ENTHD1: variants seen among roughly 807,000 people sequenced by gnomAD.
ENTHD1 encodes the protein ENTH domain containing 1, also known as ENTH domain-containing protein 1.
A neutral mutation model predicts 39.1 loss-of-function variants in ENTHD1; 23 were observed. That is an observed-to-expected ratio of 0.59 (90% CI 0.42 to 0.83). The LOEUF is 0.83. ENTHD1 is among the 40% of genes least tolerant of loss of function. The pLI, the probability that ENTHD1 is intolerant of heterozygous loss-of-function variation, is 0.00. For missense variants in ENTHD1, 624 were observed against 705.4 expected (o/e 0.88, Z 1.31); for synonymous variants, 230 against 258.2 (o/e 0.89, Z 1.05).
At chr22:39,827,985 T>C (rs541652513) in intron 4 of ENTHD1, among the ~76,000 whole-genome samples, 1 of 152,226 alleles carries the variant, frequency 6.6e-6, no homozygotes, top group Non-Finnish European at 1.5e-5. Context: ...TGTACTGATA[T>C]AGAAAAATGT....
intron 2 of ENTHD1, among the ~76,000 whole-genome samples, chr22:39,878,868 TAAGTA>T: frequency 6.6e-6 from 1 of 151,974 alleles, no homozygotes; most frequent in Non-Finnish European, 1.5e-5. Flanking sequence ...ATAAGCAAAA[TAAGTA>T]ACAGCAATGA....
rs570067711 is a variant in ENTHD1 at position 39,786,451 on chromosome 22, G to A, written c.833-20842C>T. Reference sequence around the variant, plus strand: ...TTTTACTTTCAAGTGCAGAGTGGCTGACGTGGAATGGGGCAGGTATTCAGA... The same window carrying A: ...TTTTACTTTCAAGTGCAGAGTGGCTAACGTGGAATGGGGCAGGTATTCAGA... On this transcript the variant is annotated intron_variant, in intron 5 of 6. Coordinates refer to ENST00000325157, the MANE Select transcript of ENTHD1 (RefSeq NM_152512.4). Among the ~76,000 whole-genome samples the A allele has an allele frequency of 1.7e-3, 258 of 152,270 alleles. 1 individual carries two copies. Among genetic ancestry groups the A allele is most frequent in the African/African-American group, 6.1e-3 (255 of 41,544 alleles).
chr22:39,803,739 G>A (rs1459830863), intron 5 of ENTHD1, among the ~76,000 whole-genome samples: 1 of 152,132 alleles, frequency 6.6e-6, no homozygotes, highest in Non-Finnish European at 1.5e-5. Context: ...CTAAGTTGGG[G>A]TCTAGAGATC....
chr22:39,836,056 C>A, intron 3 of ENTHD1, 98 bp from the exon 4 acceptor site: 1 of 780,812 alleles, frequency 1.3e-6, no homozygotes, highest in Non-Finnish European at 2.0e-6. Context: ...CTGAAGATAC[C>A]TTTTTTTCCT....
intron 2 of ENTHD1, among the ~76,000 whole-genome samples, chr22:39,879,446 G>T (rs1354965187): frequency 9.0e-6 from 1 of 110,984 alleles, no homozygotes; most frequent in Non-Finnish European, 1.7e-5. Flanking sequence ...CTGGGTGACA[G>T]AGTGAGACTC....
intron 4 of ENTHD1, among the ~76,000 whole-genome samples, chr22:39,828,753 C>T (rs1337132005): frequency 6.6e-6 from 1 of 152,100 alleles, no homozygotes; most frequent in East Asian, 1.9e-4. Flanking sequence ...TGAAAAGCTG[C>T]AAATAGCCTT....
chr22:39,840,665 G>A (rs868553136), intron 3 of ENTHD1, among the ~76,000 whole-genome samples: 12 of 152,180 alleles, frequency 7.9e-5, no homozygotes, highest in South Asian at 2.1e-4. Context: ...TAAAAGTCAA[G>A]TCTCATGGTG....
At chr22:39,893,240 C>T (rs118121181) in intron 1 of ENTHD1, 1 of 152,222 alleles carries the variant, frequency 6.6e-6, no homozygotes, top group African/African-American at 2.4e-5. Context: ...AATCGCCAGA[C>T]AGGGCCGTGG....
intron 4 of ENTHD1, among the ~76,000 whole-genome samples, chr22:39,822,587 A>G (rs949712880): frequency 6.6e-6 from 1 of 152,170 alleles, no homozygotes; most frequent in East Asian, 1.9e-4. Flanking sequence ...TGCACAAAAA[A>G]CAGATGTGAA....
At chr22:39,784,060 A>T (rs1403070101) in intron 5 of ENTHD1, among the ~76,000 whole-genome samples, 1 of 152,180 alleles carries the variant, frequency 6.6e-6, no homozygotes, top group East Asian at 1.9e-4. Flanking sequence ...TAGCAAAAAA[A>T]GATATGATTA....
chr22:39,843,435 G>C (rs2065961513), intron 3 of ENTHD1, among the ~76,000 whole-genome samples: 1 of 138,928 alleles, frequency 7.2e-6, no homozygotes, highest in South Asian at 2.4e-4. Context: ...ACAGGAAGGG[G>C]AACATCACAC....
chr22:39,892,437 A>G (rs1222079211), intron 1 of ENTHD1, among the ~76,000 whole-genome samples: 2 of 152,238 alleles, frequency 1.3e-5, no homozygotes, highest in African/African-American at 4.8e-5. Context: ...CCATGTCTAT[A>G]CCATATATTA....
chr22:39,743,730 G>C lies in ENTHD1; in HGVS notation c.1773C>G (p.Ser591Arg). The change falls in exon 7 of 7, where the codon AGC becomes AGG. Residue 591 changes from serine to arginine, a missense_variant. By Grantham distance (110) the Ser-to-Arg change is moderately radical. Transcript: ENST00000325157. ...AAGACTGGGGGACCTGGGAAGACTG[G>C]CTTATTTGTGAACTATTCAGACTCA... ...MSMSLNSSQI[S>R]QSSQVPQSSE... The C allele has an allele frequency of 6.2e-7, 1 of 1,613,968 alleles. No individual in the cohort carries two copies. Among genetic ancestry groups the C allele is most frequent in the Non-Finnish European group, 8.5e-7 (1 of 1,179,920 alleles).
intron 5 of ENTHD1, among the ~76,000 whole-genome samples, chr22:39,769,031 TGTATATGTACATATA>T (rs1026087328): frequency 2.6e-4 from 40 of 152,080 alleles, no homozygotes; most frequent in African/African-American, 9.6e-4. Flanking sequence ...CACTAACTTG[TGTATATGTACATATA>T]TACACACACT....
At chr22:39,865,494 T>C (rs1346539668) in intron 2 of ENTHD1, among the ~76,000 whole-genome samples, 1 of 152,116 alleles carries the variant, frequency 6.6e-6, no homozygotes, top group African/African-American at 2.4e-5. Flanking sequence ...CAGTAATAAT[T>C]AGCACCTTCT....
rs185771250 is a variant in ENTHD1 at position 39,784,325 on chromosome 22, G to C, written c.833-18716C>G. Among the ~76,000 whole-genome samples, 5 of 152,200 alleles carry C rather than the reference G, an allele frequency of 3.3e-5. No homozygotes were observed. In the East Asian group the frequency reaches 9.7e-4, roughly 29 times the overall value. The stretch of plus-strand genomic sequence containing the variant: ...ATGTAAAAACAGTACTGCCACTATG[G>C]AGAACAGTATGGAGGTTCCTCAACA... On this transcript the variant is annotated intron_variant, in intron 5 of 6. Transcript: ENST00000325157.
At chr22:39,777,165 A>C (rs1361096523) in intron 5 of ENTHD1, among the ~76,000 whole-genome samples, 1 of 152,234 alleles carries the variant, frequency 6.6e-6, no homozygotes, top group East Asian at 1.9e-4. Flanking sequence ...GGTAATAATA[A>C]GACCATTTTG....
At chr22:39,883,649 T>A (rs561673069) in intron 2 of ENTHD1, among the ~76,000 whole-genome samples, 12 of 152,076 alleles carry the variant, frequency 7.9e-5, no homozygotes, top group Non-Finnish European at 1.6e-4. Context: ...TAGATCAATA[T>A]ACAAAAATCA....
At chr22:39,833,872 A>G (rs1009650691) in intron 4 of ENTHD1, among the ~76,000 whole-genome samples, 1 of 149,346 alleles carries the variant, frequency 6.7e-6, no homozygotes, top group African/African-American at 2.5e-5. Context: ...AGAAAACCAC[A>G]CTTACGCATA....
Sources: gnomAD v4.1 joint callset for allele counts (sites outside exome capture counted in the v4.1 genomes callset) on GRCh38, gnomAD v4.1.1 for gene constraint, MANE v1.5 for transcripts, NCBI Gene and HGNC (gene_info 2026-07-23, HGNC 2026-07-21) for gene names.